NBPF9: variants seen among roughly 807,000 people sequenced by gnomAD.
NBPF9 encodes the protein NBPF member 9.
Under a neutral mutation model 97.8 loss-of-function variants are expected in NBPF9, and 91 were observed. The observed-to-expected ratio is 0.93, with a 90% CI of 0.79 to 1.11. The LOEUF (loss-of-function observed/expected upper bound fraction) is 1.11. Ranked by LOEUF, NBPF9 falls within the 50% of genes least tolerant of loss-of-function variation. The pLI is 0.00. For synonymous variants in NBPF9, 334 were observed against 359.5 expected, an observed-to-expected ratio of 0.93 and a Z score of 0.80; for missense variants, 992 against 939.5, an observed-to-expected ratio of 1.06 and a Z score of -0.73.
rs1265611613 is a variant in NBPF9, at chr1:149,073,653, G to T, written c.1091+115C>A. On this transcript the variant is annotated intron_variant, in intron 13 of 29. Transcript: ENST00000584027. ...TATTTGTGTGTAGCGAGCCTGCCATGGCAATTCCTGCCCTTCCCCTGGCCC... is the reference window on the plus strand; with the variant it reads ...TATTTGTGTGTAGCGAGCCTGCCATTGCAATTCCTGCCCTTCCCCTGGCCC... The T allele has an allele frequency of 8.9e-6, 7 of 783,682 alleles. No homozygotes were observed. In the African/African-American group the frequency reaches 1.0e-4, roughly 11 times the overall value. The allele number at this position is 783,682 out of a possible 1,614,324, so 48.5% of individuals were successfully genotyped here. A position where few individuals can be genotyped will look rare whatever the true frequency, so the allele number is the denominator to read the frequency against.
At chr1:149,074,831 T>A (rs1213280098) in intron 12 of NBPF9, among the ~76,000 whole-genome samples, 23 of 150,254 alleles carry the variant, frequency 1.5e-4, no homozygotes, top group East Asian at 1.2e-3. Flanking sequence ...TATTATTATT[T>A]TTACCAGTCT....
chr1:149,073,677 C>A lies in NBPF9; in HGVS notation c.1091+91G>T, dbSNP rs1345560007. 1.4e-3 allele frequency: 1,306 copies of A among 926,122 alleles called. 64 individuals are homozygous for A. The highest frequency in any genetic ancestry group is 4.6e-3 in the Middle Eastern group (14 of 3,026). 57.4% of individuals were successfully genotyped at this position (926,122 alleles called of 1,614,324 possible). On this transcript the variant is annotated intron_variant, in intron 13 of 29. Transcript: ENST00000584027. ...TGGCAATTCCTGCCCTTCCCCTGGC[C>A]CAGCTTAGCTCTTACGTCTCCCCAC...
intron 20 of NBPF9, 52 bp from the exon 21 acceptor site, chr1:149,062,965 C>G: frequency 1.3e-6 from 1 of 751,522 alleles, no homozygotes; most frequent in Non-Finnish European, 2.4e-6. Context: ...CTCCTACACA[C>G]ATAACAATCC....
In NBPF9 at chr1:149,059,612, C is replaced by T. The variant is rs1418280239; in HGVS notation, c.2585+88G>A. On this transcript the variant is annotated intron_variant, in intron 25 of 29. Coordinates refer to ENST00000584027, the Ensembl canonical transcript of NBPF9. ...GGAGTAATTCAGCCTTCGTTGAAAA[C>T]GTGACATCAAACACACTCTGGTTTC... 22 of 524,794 alleles carry T rather than the reference C, an allele frequency of 4.2e-5. 2 individuals are homozygous for T. The highest frequency in any genetic ancestry group is 3.1e-4 in the East Asian group (12 of 38,638). 32.5% of individuals were successfully genotyped at this position (524,794 alleles called of 1,614,324 possible).
intron 3 of NBPF9, among the ~76,000 whole-genome samples, chr1:149,100,759 C>T (rs1464434074): frequency 4.6e-5 from 7 of 152,108 alleles, no homozygotes; most frequent in African/African-American, 1.7e-4. Flanking sequence ...CATGTTGAAT[C>T]CCCATCTCTA....
In NBPF9 at chr1:149,071,053, T is replaced by C. The variant is rs587658644; in HGVS notation, c.1466A>G (p.Tyr489Cys). The C allele has an allele frequency of 7.4e-6, 12 of 1,611,248 alleles. No individual in the cohort carries two copies. The Admixed American group carries it at 1.0e-4, about 13-fold the overall frequency. The change falls in exon 16 of 30, where the codon TAT (tyrosine) becomes TGT (cysteine). Residue 489 changes from tyrosine to cysteine, a missense_variant. Around this residue, in one of 11 missense-constraint regions of NBPF9, gnomAD observed 151 missense variants for 132.8 expected, o/e 1.14. Transcript: ENST00000584027. ...TTTCCTATGTGGCTGGTTGGAGTCA[T>C]AAGGGCCATGGCTATTTGAATAAGT...
chr1:149,070,638 A>T (rs2079328964), intron 16 of NBPF9, among the ~76,000 whole-genome samples: 1 of 151,766 alleles, frequency 6.6e-6, no homozygotes, highest in African/African-American at 2.4e-5. Flanking sequence ...ACTTAATCAC[A>T]GATGACAAGA....
chr1:149,076,573 G>T (rs1185613822), intron 11 of NBPF9, among the ~76,000 whole-genome samples: 1 of 150,052 alleles, frequency 6.7e-6, no homozygotes, highest in Non-Finnish European at 1.5e-5. Flanking sequence ...CACAATCTCG[G>T]CTCACTGCAA....
intron 19 of NBPF9, among the ~76,000 whole-genome samples, chr1:149,064,073 G>T (rs1402980154): frequency 7.3e-6 from 1 of 137,096 alleles, no homozygotes; most frequent in Non-Finnish European, 1.6e-5. Context: ...GTGACACACT[G>T]ATGAGGGAGT....
intron 5 of NBPF9, among the ~76,000 whole-genome samples, chr1:149,087,754 TTC>T (rs1235407308): frequency 2.0e-5 from 3 of 151,348 alleles, no homozygotes; most frequent in African/African-American, 7.3e-5. Flanking sequence ...ACTAATTTAG[TTC>T]TTTCATAATT....
intron 14 of NBPF9, among the ~76,000 whole-genome samples, chr1:149,072,355 G>A (rs1190447118): frequency 1.3e-5 from 2 of 152,182 alleles, no homozygotes; most frequent in Non-Finnish European, 2.9e-5. Flanking sequence ...CTCTCTGACA[G>A]TAACTAAGAA....
In NBPF9 at chr1:149,079,988, C is replaced by T. The variant is rs1205895306; in HGVS notation, c.278+65G>A. 292 of 1,365,338 alleles carry T rather than the reference C, an allele frequency of 2.1e-4. No individual in the cohort carries two copies. The African/African-American group carries it at 2.9e-3, about 14-fold the overall frequency. The allele number at this position is 1,365,338 out of a possible 1,614,324, so 84.6% of individuals were successfully genotyped here. A position where few individuals can be genotyped will look rare whatever the true frequency, so the allele number is the denominator to read the frequency against. On this transcript the variant is annotated intron_variant, in intron 8 of 29. Coordinates refer to ENST00000584027, the Ensembl canonical transcript of NBPF9. ...CAGCTTCGTTCTTATTTCTCCCCGC[C>T]GAGCTGCTGTACTTCAGAGATCTAC...
At chr1:149,074,605 C>G (rs1300901358) in intron 12 of NBPF9, among the ~76,000 whole-genome samples, 1 of 151,180 alleles carries the variant, frequency 6.6e-6, no homozygotes, top group Non-Finnish European at 1.5e-5. Flanking sequence ...GGTGAGGTAA[C>G]TGAGGGACAG....
At chr1:149,067,337 T>A (rs1246530286) in intron 17 of NBPF9, among the ~76,000 whole-genome samples, 2 of 125,292 alleles carry the variant, frequency 1.6e-5, no homozygotes, top group African/African-American at 3.1e-5. Flanking sequence ...ATACTTTAAG[T>A]CTTAGGGTAC....
rs1480736830 is a variant in NBPF9, at chr1:149,058,040, T to C, written c.2810+124A>G. 1.1e-5 allele frequency: 3 copies of C among 272,104 alleles called. 1 individual carries two copies. The highest frequency in any genetic ancestry group is 1.3e-5 in the Non-Finnish European group (2 of 154,180). The allele number at this position is 272,104 out of a possible 1,614,324, so 16.9% of individuals were successfully genotyped here. ...CTGCAATGAAAACCAACAGCAATGT[T>C]AGTAGGAATAATTCAGGCTTGCTTG... On this transcript the variant is annotated intron_variant, in intron 27 of 29. Transcript: ENST00000584027.
chr1:149,087,885 T>G (rs2081143264), intron 5 of NBPF9, among the ~76,000 whole-genome samples: 1 of 141,626 alleles, frequency 7.1e-6, no homozygotes, highest in African/African-American at 2.7e-5. Flanking sequence ...CAGGCTGGAG[T>G]GCAGTGATGC....
chr1:149,075,008 C>T (rs1474481056), intron 12 of NBPF9, among the ~76,000 whole-genome samples: 2 of 151,126 alleles, frequency 1.3e-5, no homozygotes, highest in Non-Finnish European at 3.0e-5. Flanking sequence ...GATGGGGTTT[C>T]TCCATGTTGC....
chr1:149,087,270 A>G (rs1214210392), intron 5 of NBPF9, among the ~76,000 whole-genome samples: 4 of 149,660 alleles, frequency 2.7e-5, no homozygotes, highest in South Asian at 2.1e-4. Flanking sequence ...GTGTGTCTGT[A>G]TATATATATA....
chr1:149,071,838 G>T (rs1410448748), intron 14 of NBPF9, among the ~76,000 whole-genome samples, 162 bp from the exon 15 acceptor site: 1 of 150,840 alleles, frequency 6.6e-6, no homozygotes, highest in African/African-American at 2.5e-5. Context: ...ATGGTTTCCT[G>T]ATCCATCAGG....
Sources: gnomAD v4.1 joint callset for allele counts (sites outside exome capture counted in the v4.1 genomes callset) on GRCh38, gnomAD v4.1.1 for gene constraint, gnomAD v4.1.1 regional missense constraint, MANE v1.5 for transcripts, NCBI Gene and HGNC (gene_info 2026-07-23, HGNC 2026-07-21) for gene names.